STX18: variants seen among roughly 807,000 people sequenced by gnomAD.
STX18 encodes syntaxin-18.
Under a neutral mutation model 50.1 loss-of-function variants are expected in STX18, and 40 were observed. The ratio of observed to expected loss-of-function variants is 0.80; its 90% CI spans 0.62 to 1.04. The LOEUF is 1.04. Among genes scored for constraint, STX18 ranks in the 50% least tolerant of loss-of-function variants. The probability of loss-of-function intolerance (pLI) is 0.00; values close to 1 mark genes in which losing one functional copy is unlikely to be tolerated. For synonymous variants in STX18, 158 were observed against 151.8 expected (o/e 1.04, Z -0.30); for missense variants, 410 against 415.8 (o/e 0.99, Z 0.12).
chr4:4,462,890 T>G (rs908730320), intron 2 of STX18, among the ~76,000 whole-genome samples: 1 of 152,192 alleles, frequency 6.6e-6, no homozygotes, highest in African/African-American at 2.4e-5. Context: ...GCTTAGGCCC[T>G]TCTTTACTGT....
At chr4:4,472,224 A>G (rs750885352) in intron 1 of STX18, among the ~76,000 whole-genome samples, 2 of 152,224 alleles carry the variant, frequency 1.3e-5, no homozygotes, top group Non-Finnish European at 2.9e-5. Context: ...ATGGATGAAG[A>G]AAAAGAACTC....
intron 1 of STX18, among the ~76,000 whole-genome samples, chr4:4,482,427 C>T (rs1728507331): frequency 6.6e-6 from 1 of 152,218 alleles, no homozygotes. Flanking sequence ...CCTAGTCCCT[C>T]CTGTTCTGAC....
intron 1 of STX18, among the ~76,000 whole-genome samples, chr4:4,502,939 A>G (rs567896303): frequency 6.6e-6 from 1 of 152,352 alleles, no homozygotes; most frequent in Non-Finnish European, 1.5e-5. Flanking sequence ...TGTCCCGGAT[A>G]TAAAAACCTC....
chr4:4,432,329 G>C (rs985302583), intron 7 of STX18, among the ~76,000 whole-genome samples: 1 of 152,236 alleles, frequency 6.6e-6, no homozygotes, highest in Admixed American at 6.5e-5. Flanking sequence ...AATGGTCTGA[G>C]CTCCAGCTGC....
chr4:4,456,272 CA>C (rs1163974289), intron 5 of STX18, among the ~76,000 whole-genome samples: 7 of 148,278 alleles, frequency 4.7e-5, no homozygotes, highest in Admixed American at 2.7e-4. Context: ...ACAAAAAAAA[CA>C]AAAAAAAACA....
At chr4:4,495,064 T>C (rs960671724) in intron 1 of STX18, among the ~76,000 whole-genome samples, 26 of 152,210 alleles carry the variant, frequency 1.7e-4, no homozygotes, top group African/African-American at 6.3e-4. Context: ...GAGCATGGAC[T>C]TTGGAATCAG....
chr4:4,469,362 A>G (rs1435769541), intron 2 of STX18, among the ~76,000 whole-genome samples: 4 of 152,246 alleles, frequency 2.6e-5, no homozygotes, highest in African/African-American at 4.8e-5. Flanking sequence ...CCTGGCTCTT[A>G]TAGAAAGTTG....
chr4:4,456,881 T>G (rs979271860), intron 5 of STX18, among the ~76,000 whole-genome samples: 4 of 152,166 alleles, frequency 2.6e-5, no homozygotes, highest in Non-Finnish European at 5.9e-5. Flanking sequence ...CAGCCTAGGC[T>G]CAAACCCCAG....
intron 1 of STX18, among the ~76,000 whole-genome samples, chr4:4,479,622 T>C (rs1728359202): frequency 6.6e-6 from 1 of 152,244 alleles, no homozygotes; most frequent in African/African-American, 2.4e-5. Context: ...ACTCATCCCA[T>C]TCTTTCTCCA....
chr4:4,428,715 C>T lies in STX18; in HGVS notation c.703-3493G>A, dbSNP rs191467787. ...ACCCATAGCATCTTCTTCCAGAGCT[C>T]GCTGAGCCTCACTAGCTAGTATCTG... On this transcript the variant is annotated intron_variant, in intron 7 of 10. Coordinates refer to ENST00000306200, the MANE Select transcript of STX18 (RefSeq NM_016930.4). Among the ~76,000 whole-genome samples, 9 of 152,226 alleles carry T rather than the reference C, an allele frequency of 5.9e-5. No individual in the cohort carries two copies. In the East Asian group the frequency reaches 9.7e-4, roughly 16 times the overall value.
Position 4,454,170 on chromosome 4 carries a change from C to A in STX18, c.497+3021G>T, listed in dbSNP as rs1203087650. On this transcript the variant is annotated intron_variant, in intron 5 of 10. Coordinates refer to ENST00000306200, the MANE Select transcript of STX18 (RefSeq NM_016930.4). ...CAAGGGAGTGATAAAATCACATGTA[C>A]GTTTTAGGCAGATGCCTTCTGCCTA... 5.3e-5 allele frequency among the ~76,000 whole-genome samples: 8 copies of A among 152,100 alleles called. No homozygotes were observed. In the East Asian group the frequency reaches 1.5e-3, roughly 29 times the overall value.
intron 1 of STX18, among the ~76,000 whole-genome samples, chr4:4,506,429 T>G (rs778152355): frequency 3.3e-5 from 5 of 152,204 alleles, no homozygotes; most frequent in Non-Finnish European, 7.3e-5. Flanking sequence ...AAGAAGTCAG[T>G]TTCAAAGGGT....
chr4:4,541,936 C>A lies in STX18; in HGVS notation c.29G>T (p.Arg10Leu). Residue 10 changes from arginine to leucine, a missense_variant, in exon 1 of 11, where the codon CGG becomes CTG. Arg to Leu is a moderately radical substitution (Grantham distance 102). Transcript: ENST00000306200. MAVDITLLFRASVKTVKTRN... is the reference protein window; with the variant it reads MAVDITLLFLASVKTVKTRN... ...CGTCTTCACGGTCTTGACGCTGGCC[C>A]GGAATAGCAGCGTGATGTCCACCGC... 1 of 1,608,012 alleles carries A rather than the reference C, an allele frequency of 6.2e-7. No individual in the cohort carries two copies. Among genetic ancestry groups the A allele is most frequent in the Non-Finnish European group, 8.5e-7 (1 of 1,177,954 alleles).
At position 4,457,425 on chromosome 4, in the gene STX18, T is replaced by C; in HGVS notation, c.428A>G (p.Lys143Arg). ...ACCTTTAAAAGAAAATGAAATACTT[T>C]TCAAGTAATCTTCAATGAAATCCAA... The part of the protein sequence containing the change: ...AVLDFIEDYL[K>R]RVCKLYSEQR... Residue 143 changes from lysine (K) to arginine (R), a missense_variant and splice_region_variant, in exon 4 of 11, where the codon AAA becomes AGA. Transcript: ENST00000306200. 1.2e-6 allele frequency: 2 copies of C among 1,612,568 alleles called. No homozygotes were observed. The highest frequency in any genetic ancestry group is 1.7e-6 in the Non-Finnish European group (2 of 1,179,092).
chr4:4,500,683 A>T (rs1047665600), intron 1 of STX18, among the ~76,000 whole-genome samples: 4 of 152,230 alleles, frequency 2.6e-5, no homozygotes, highest in African/African-American at 9.6e-5. Flanking sequence ...AGTACATGTA[A>T]TTACAAATTC....
At chr4:4,521,849 A>G (rs1338786979) in intron 1 of STX18, among the ~76,000 whole-genome samples, 3 of 152,200 alleles carry the variant, frequency 2.0e-5, no homozygotes, top group Admixed American at 6.5e-5. Flanking sequence ...AACTTTCTAT[A>G]AGAAACTGTT....
intron 7 of STX18, 139 bp from the exon 8 acceptor site, chr4:4,425,361 C>A: frequency 1.4e-6 from 1 of 729,534 alleles, no homozygotes. Context: ...CGGTGCTGGA[C>A]GACCGTTAGC....
At chr4:4,528,523 C>T (rs764285367) in intron 1 of STX18, among the ~76,000 whole-genome samples, 18 of 152,158 alleles carry the variant, frequency 1.2e-4, no homozygotes, top group South Asian at 2.1e-4. Context: ...AAGCAGATGC[C>T]GATGCCATGC....
intron 5 of STX18, among the ~76,000 whole-genome samples, chr4:4,445,354 C>T (rs1011700975): frequency 4.0e-5 from 6 of 151,222 alleles, no homozygotes; most frequent in African/African-American, 1.5e-4. Flanking sequence ...TGCAGTGAGC[C>T]AAGATCGAGC....
Sources: allele counts gnomAD v4.1 joint callset (sites outside exome capture counted in the v4.1 genomes callset), GRCh38; gene constraint gnomAD v4.1.1; transcripts MANE v1.5; gene names NCBI Gene and HGNC (gene_info 2026-07-23, HGNC 2026-07-21).